Variants in TSHR observed in about 807,000 individuals in gnomAD.
The protein encoded by TSHR is thyroid stimulating hormone receptor.
A neutral mutation model predicts 64.1 loss-of-function variants in TSHR; 51 were observed. The observed-to-expected ratio is 0.80, with a 90% confidence interval of 0.64 to 1.01. TSHR has a LOEUF of 1.01. TSHR is among the 50% of genes least tolerant of loss of function. TSHR has a pLI of 0.00. For missense variants in TSHR, 877 were observed against 942.8 expected (o/e 0.93, Z 0.91); for synonymous variants, 361 against 361.9 (o/e 1.00, Z 0.03).
chr14:81,117,797 T>A (rs1890589734), intron 8 of TSHR, among the ~76,000 whole-genome samples: 1 of 48,446 alleles, frequency 2.1e-5, no homozygotes, highest in Admixed American at 2.4e-4. Context: ...GCAAAATGAA[T>A]CCAGCAGCAC....
Position 81,055,669 on chromosome 14 carries a change from C to T in TSHR, c.171-6479C>T, listed in dbSNP as rs564487244. On this transcript the variant is annotated intron_variant, in intron 1 of 9. Coordinates refer to ENST00000298171, the MANE Select transcript of TSHR (RefSeq NM_000369.5). ...ATCGTTTTGGAGCTTTAACATTTGA[C>T]TGTCCTGCTGTATTTCAGACTTGCT... Among the ~76,000 whole-genome samples the T allele has an allele frequency of 4.1e-4, 63 of 152,344 alleles. No homozygotes were observed. The South Asian group carries it at 6.0e-3, about 15-fold the overall frequency.
chr14:81,026,703 G>C (rs980589762), intron 1 of TSHR, among the ~76,000 whole-genome samples: 3 of 151,998 alleles, frequency 2.0e-5, no homozygotes, highest in Non-Finnish European at 4.4e-5. Flanking sequence ...GGTAGATCTT[G>C]GGATAGAAGT....
intron 1 of TSHR, chr14:80,983,553 G>T: frequency 8.1e-7 from 1 of 1,238,430 alleles, no homozygotes; most frequent in East Asian, 2.3e-5. Context: ...TATCAGAAAG[G>T]GCTCAATTGT....
intron 1 of TSHR, among the ~76,000 whole-genome samples, chr14:80,998,468 C>T (rs1889138810): frequency 1.3e-5 from 2 of 151,812 alleles, no homozygotes; most frequent in Non-Finnish European, 2.9e-5. Flanking sequence ...AACAGACTTC[C>T]ATTATGACCT....
intron 1 of TSHR, chr14:81,032,737 C>T (rs541125265): frequency 1.4e-5 from 6 of 434,972 alleles, no homozygotes; most frequent in South Asian, 1.2e-4. Flanking sequence ...GTCATCATGG[C>T]AGAACTTGCC....
intron 1 of TSHR, among the ~76,000 whole-genome samples, chr14:80,972,702 A>C (rs948749778): frequency 2.0e-5 from 3 of 152,166 alleles, no homozygotes; most frequent in African/African-American, 7.2e-5. Flanking sequence ...CAGCACCTGT[A>C]TCTAGTTCCA....
chr14:81,133,301 T>C (rs1891325542), intron 8 of TSHR, among the ~76,000 whole-genome samples: 1 of 152,180 alleles, frequency 6.6e-6, no homozygotes, highest in African/African-American at 2.4e-5. Context: ...CCATCCATGG[T>C]CTGAAGAGCT....
At chr14:81,019,573 TA>T (rs1883623370) in intron 1 of TSHR, among the ~76,000 whole-genome samples, 1 of 151,294 alleles carries the variant, frequency 6.6e-6, no homozygotes, top group Non-Finnish European at 1.5e-5. Context: ...ACCCGTCATC[TA>T]CATTAGGTAT....
At chr14:81,118,160 T>G (rs1890612869) in intron 8 of TSHR, among the ~76,000 whole-genome samples, 2 of 81,398 alleles carry the variant, frequency 2.5e-5, no homozygotes, top group African/African-American at 1.1e-4. Context: ...AACATAGTGT[T>G]GGAAGTTCTG....
At chr14:81,061,369 A>T (rs936417485) in intron 1 of TSHR, among the ~76,000 whole-genome samples, 1 of 152,176 alleles carries the variant, frequency 6.6e-6, no homozygotes, top group Non-Finnish European at 1.5e-5. Context: ...CACTTTTCAC[A>T]ATAGCAAAAA....
Position 81,022,276 on chromosome 14 carries a change from A to C in TSHR, c.171-39872A>C, listed in dbSNP as rs1243533917. 2.6e-5 allele frequency among the ~76,000 whole-genome samples: 4 copies of C among 152,128 alleles called. No individual in the cohort carries two copies. In the South Asian group the frequency reaches 8.3e-4, roughly 31 times the overall value. On this transcript the variant is annotated intron_variant, in intron 1 of 9. Transcript: ENST00000298171. ...CAGAGCGAGACTCCGTCTCAAAAAC[A>C]AAAACAAAACAAACAACAAAAAAAT...
Position 81,143,007 on chromosome 14 carries a change from G to T in TSHR, c.949G>T (p.Ala317Ser). 3 of 1,614,172 alleles carry T rather than the reference G, an allele frequency of 1.9e-6. No individual in the cohort carries two copies. Among genetic ancestry groups the T allele is most frequent in the Non-Finnish European group, 2.5e-6 (3 of 1,180,042 alleles). Residue 317 changes from alanine (A) to serine (S), a missense_variant, in exon 10 of 10, where the codon GCC (alanine) becomes TCC (serine). Transcript: ENST00000298171. ...CTTGCGCCAGAGAAAATCTGTGAAT[G>T]CCTTGAATAGCCCCCTCCACCAGGA... Reference protein sequence around the residue: ...QSLRQRKSVNALNSPLHQEYE... With the variant: ...QSLRQRKSVNSLNSPLHQEYE...
chr14:81,100,276 C>G (rs2140008838), intron 7 of TSHR, among the ~76,000 whole-genome samples: 1 of 152,270 alleles, frequency 6.6e-6, no homozygotes, highest in East Asian at 1.9e-4. Flanking sequence ...TGCAGAGCTT[C>G]TCAAGCAGTT....
chr14:81,105,412 C>T (rs1295528635), intron 7 of TSHR, among the ~76,000 whole-genome samples: 3 of 152,180 alleles, frequency 2.0e-5, no homozygotes. Context: ...CTGCTGAAGG[C>T]AGAGTGATGG....
chr14:80,979,090 A>G (rs912153677), intron 1 of TSHR, among the ~76,000 whole-genome samples: 3 of 152,210 alleles, frequency 2.0e-5, no homozygotes, highest in African/African-American at 7.2e-5. Flanking sequence ...CTGTATACCC[A>G]TCTCAGTGAA....
At chr14:81,023,141 T>G (rs2139805146) in intron 1 of TSHR, among the ~76,000 whole-genome samples, 1 of 152,328 alleles carries the variant, frequency 6.6e-6, no homozygotes, top group African/African-American at 2.4e-5. Context: ...CCCAATGGCC[T>G]AAGACACTGA....
intron 1 of TSHR, chr14:80,982,168 T>C: frequency 1.7e-6 from 1 of 577,968 alleles, no homozygotes; most frequent in Non-Finnish European, 3.2e-6. Flanking sequence ...ATGAAGGCAG[T>C]GTCTAAGAAC....
Position 81,143,261 on chromosome 14 carries a change from G to A in TSHR, c.1203G>A (p.Lys401=), listed in dbSNP as rs1025175402. The change falls in exon 10 of 10, where the codon AAG becomes AAA. Residue 401 remains lysine, a synonymous_variant. Coordinates refer to ENST00000298171, the MANE Select transcript of TSHR (RefSeq NM_000369.5). ...GDSEDMVCTP[K]SDEFNPCEDI... Reference sequence around the variant, plus strand: ...GTGAAGACATGGTGTGTACCCCCAAGTCCGATGAGTTCAACCCGTGTGAAG... The same window carrying A: ...GTGAAGACATGGTGTGTACCCCCAAATCCGATGAGTTCAACCCGTGTGAAG... 6.2e-7 allele frequency: 1 copy of A among 1,614,186 alleles called. No individual in the cohort carries two copies. The highest frequency in any genetic ancestry group is 8.5e-7 in the Non-Finnish European group (1 of 1,180,044).
At chr14:81,124,222 C>CT (rs11378278) in intron 8 of TSHR, among the ~76,000 whole-genome samples, 3,875 of 147,394 alleles carry the variant, frequency 0.026, 157 homozygotes, top group African/African-American at 0.091. Flanking sequence ...TCTTTTTTTT[C>CT]TTTTTTTTTT....
Sources: gnomAD v4.1 joint callset for allele counts (sites outside exome capture counted in the v4.1 genomes callset) on GRCh38, gnomAD v4.1.1 for gene constraint, MANE v1.5 for transcripts, NCBI Gene and HGNC (gene_info 2026-07-23, HGNC 2026-07-21) for gene names.